The following ARHGEF9 variants were observed in gnomAD, a reference collection of about 807,000 sequenced individuals.
ARHGEF9 encodes rho guanine nucleotide exchange factor 9.
Under a neutral mutation model 41.3 loss-of-function variants are expected in ARHGEF9, and 2 were observed. The observed-to-expected ratio is 0.05, with a 90% CI of 0.02 to 0.15. The LOEUF (loss-of-function observed/expected upper bound fraction) is 0.15. Among genes scored for constraint, ARHGEF9 ranks in the 10% least tolerant of loss-of-function variants. The pLI is 1.00. For synonymous variants in ARHGEF9, 160 were observed against 154.4 expected, an observed-to-expected ratio of 1.04 and a Z score of -0.27; for missense variants, 225 against 424.7, an observed-to-expected ratio of 0.53 and a Z score of 4.13.
At chrX:63,660,530 C>A (rs1310773335) in intron 7 of ARHGEF9, among the ~76,000 whole-genome samples, 1 of 111,269 alleles carries the variant, frequency 9.0e-6, no homozygotes, top group Non-Finnish European at 1.9e-5. Flanking sequence ...ATATGCACCC[C>A]CTAAAGCTAA....
At chrX:63,695,908 A>G (rs1189100547) in intron 4 of ARHGEF9, among the ~76,000 whole-genome samples, 1 of 111,667 alleles carries the variant, frequency 9.0e-6, no homozygotes, top group East Asian at 2.8e-4. Context: ...AACATTTTAT[A>G]TGTGTTGTCC....
rs782539184 is a variant in ARHGEF9 at position 63,712,184 on chromosome X, T to C, written c.211-5735A>G. Reference sequence around the variant, plus strand: ...ACGCACTGCTGGCAGGAATGTAAAATGGTAGAGCTGCTGTGGAAAATATTT... The same window carrying C: ...ACGCACTGCTGGCAGGAATGTAAAACGGTAGAGCTGCTGTGGAAAATATTT... On this transcript the variant is annotated intron_variant, in intron 2 of 9. Coordinates refer to ENST00000671741, the MANE Select transcript of ARHGEF9 (RefSeq NM_001353921.2). Among the ~76,000 whole-genome samples, 4 of 111,957 alleles carry C rather than the reference T, an allele frequency of 3.6e-5. No individual in the cohort carries two copies. The Admixed American group carries it at 3.8e-4, about 11-fold the overall frequency.
At chrX:63,761,234 G>A (rs781843235) in intron 1 of ARHGEF9, among the ~76,000 whole-genome samples, 4 of 111,861 alleles carry the variant, frequency 3.6e-5, no homozygotes, top group Non-Finnish European at 7.5e-5. Context: ...CTTTTGGGGA[G>A]ACAAGAGACT....
At chrX:63,779,239 C>A (rs185825306) in intron 1 of ARHGEF9, among the ~76,000 whole-genome samples, 1 of 111,836 alleles carries the variant, frequency 8.9e-6, no homozygotes, top group Non-Finnish European at 1.9e-5. Flanking sequence ...CTACTGGTAC[C>A]AATTTACTGT....
intron 1 of ARHGEF9, among the ~76,000 whole-genome samples, chrX:63,777,893 C>T: frequency 8.9e-6 from 1 of 112,943 alleles, no homozygotes; most frequent in Non-Finnish European, 1.9e-5. Context: ...AGTCCCCCTC[C>T]AGGCTGCCTT....
chrX:63,710,722 A>G (rs183563233), intron 2 of ARHGEF9, among the ~76,000 whole-genome samples: 1,131 of 111,765 alleles, frequency 0.01, 9 homozygotes, highest in African/African-American at 0.034. Flanking sequence ...TCCATAGTTA[A>G]TATCATATTT....
intron 1 of ARHGEF9, among the ~76,000 whole-genome samples, chrX:63,728,451 C>A (rs192893597): frequency 2.7e-5 from 3 of 111,666 alleles, no homozygotes; most frequent in Non-Finnish European, 5.6e-5. Flanking sequence ...TTTATGGGCA[C>A]GCATACCTAC....
chrX:63,774,220 G>A (rs1556456758), intron 1 of ARHGEF9, among the ~76,000 whole-genome samples: 1 of 111,230 alleles, frequency 9.0e-6, no homozygotes, highest in African/African-American at 3.3e-5. Context: ...TTCTGGCCAA[G>A]GACACATTGT....
rs1234484699 is a variant in ARHGEF9, at chrX:63,785,174, G to A, written c.-29C>T. On this transcript the variant is annotated 5_prime_UTR_variant, in exon 1 of 10. Transcript: ENST00000671741. The stretch of plus-strand genomic sequence containing the variant: ...GCTTGCGAAGTCCGGCTTCTCTGAG[G>A]CCCCGTAGCTGGCGCGAGTTGTCGC... 1.7e-6 allele frequency: 2 copies of A among 1,161,603 alleles called. No individual in the cohort carries two copies.
chrX:63,749,264 C>T (rs1293909420), intron 1 of ARHGEF9, among the ~76,000 whole-genome samples: 2 of 111,587 alleles, frequency 1.8e-5, no homozygotes, highest in Admixed American at 9.5e-5. Context: ...CGGACTCTCG[C>T]TCTGTCACCC....
At chrX:63,766,008 C>T (rs1476675228) in intron 1 of ARHGEF9, among the ~76,000 whole-genome samples, 2 of 112,098 alleles carry the variant, frequency 1.8e-5, no homozygotes, top group African/African-American at 3.2e-5. Context: ...AAATTTTAAC[C>T]ACCCACATAC....
intron 1 of ARHGEF9, among the ~76,000 whole-genome samples, chrX:63,756,770 A>G: frequency 8.9e-6 from 1 of 112,073 alleles, no homozygotes; most frequent in Non-Finnish European, 1.9e-5. Flanking sequence ...GGTGATCAGG[A>G]CAGTACCATA....
chrX:63,689,702 C>T (rs782026026), intron 4 of ARHGEF9, among the ~76,000 whole-genome samples: 23 of 112,039 alleles, frequency 2.1e-4, no homozygotes, highest in African/African-American at 7.4e-4. Flanking sequence ...ACACATTTTC[C>T]TCATCAGCAT....
intron 1 of ARHGEF9, among the ~76,000 whole-genome samples, chrX:63,726,178 T>C (rs1418351431): frequency 9.0e-6 from 1 of 110,940 alleles, no homozygotes; most frequent in Non-Finnish European, 1.9e-5. Flanking sequence ...TAGGGTGAGC[T>C]CTTCAGGATA....
At chrX:63,725,226 C>T (rs782074700) in intron 1 of ARHGEF9, among the ~76,000 whole-genome samples, 21 of 110,812 alleles carry the variant, frequency 1.9e-4, no homozygotes, top group Non-Finnish European at 3.4e-4. Context: ...ACATTCCTCA[C>T]GCATAATGGA....
chrX:63,755,582 G>A (rs1238755327), intron 1 of ARHGEF9, among the ~76,000 whole-genome samples: 1 of 111,368 alleles, frequency 9.0e-6, no homozygotes, highest in African/African-American at 3.3e-5. Context: ...AGGATGGTGA[G>A]GAGAAAGAAG....
Position 63,635,398 on chromosome X carries a change from G to A in ARHGEF9, c.*2630C>T. The A allele has an allele frequency of 5.7e-6, 3 of 522,075 alleles. No homozygotes were observed. The highest frequency in any genetic ancestry group is 2.5e-5 in the South Asian group (1 of 39,662). 43.0% of individuals were successfully genotyped at this position (522,075 alleles called of 1,213,427 possible). ...GCAAATCCTGGCCTCACTGAGTTGA[G>A]GAAAAGGGAGCTCAGGGCCATGCGG... is the stretch of plus-strand genomic sequence containing the variant. On this transcript the variant is annotated 3_prime_UTR_variant, in exon 10 of 10. Transcript: ENST00000671741.
At position 63,724,625 on chromosome X, in the gene ARHGEF9, G is replaced by T. The variant is rs781806390; in HGVS notation, c.117C>A (p.Gly39=). Residue 39 remains glycine (G), a synonymous_variant, in exon 2 of 10, where the codon GGC becomes GGA. Transcript: ENST00000671741. ...MANRELAFKA[G]DVIKVLDASN... Reference sequence around the variant, plus strand: ...AAGCATCCAAGACTTTGATGACGTCGCCAGCTTTAAATGCCAACTCCCGGT... The same window carrying T: ...AAGCATCCAAGACTTTGATGACGTCTCCAGCTTTAAATGCCAACTCCCGGT... 2 of 1,211,001 alleles carry T rather than the reference G, an allele frequency of 1.7e-6. No individual in the cohort carries two copies. Among genetic ancestry groups the T allele is most frequent in the Non-Finnish European group, 2.2e-6 (2 of 895,195 alleles).
intron 1 of ARHGEF9, among the ~76,000 whole-genome samples, chrX:63,769,046 G>A (rs1482593829): frequency 8.9e-6 from 1 of 111,923 alleles, no homozygotes; most frequent in Non-Finnish European, 1.9e-5. Context: ...GGCAGAGGTT[G>A]AAACAGTTTG....
Sources: allele counts gnomAD v4.1 joint callset (sites outside exome capture counted in the v4.1 genomes callset), GRCh38; gene constraint gnomAD v4.1.1; transcripts MANE v1.5; gene names NCBI Gene and HGNC (gene_info 2026-07-23, HGNC 2026-07-21).